Variants in SEMA3A observed in about 807,000 individuals in gnomAD.
SEMA3A encodes the protein semaphorin 3A, also known as semaphorin-3A.
In SEMA3A, 29 loss-of-function variants were observed where a neutral mutation model predicts 97.9. That is an observed-to-expected ratio of 0.30 (90% CI 0.22 to 0.40). The LOEUF (loss-of-function observed/expected upper bound fraction) is 0.40. Ranked by LOEUF, SEMA3A falls within the 10% of genes least tolerant of loss-of-function variation. The pLI is 1.00. For synonymous variants in SEMA3A, 321 were observed against 323.7 expected, an observed-to-expected ratio of 0.99 and a Z score of 0.09; for missense variants, 763 against 951.3, an observed-to-expected ratio of 0.80 and a Z score of 2.60.
chr7:84,405,933 AC>A (rs1315100575), intron 1 of SEMA3A, among the ~76,000 whole-genome samples: 1 of 152,194 alleles, frequency 6.6e-6, no homozygotes, highest in Admixed American at 6.5e-5. Flanking sequence ...CTAAATGGCC[AC>A]AAGAGAAAGC....
intron 2 of SEMA3A, among the ~76,000 whole-genome samples, chr7:84,332,813 C>T (rs1468080080): frequency 6.6e-6 from 1 of 151,822 alleles, no homozygotes. Context: ...ACATTGAGTA[C>T]CTTTATTAAG....
chr7:84,051,270 G>C (rs1490658741), intron 5 of SEMA3A, among the ~76,000 whole-genome samples: 3 of 151,992 alleles, frequency 2.0e-5, no homozygotes, highest in Admixed American at 2.0e-4. Context: ...GCTTGATGGG[G>C]ATGGCATTGA....
chr7:84,071,860 T>A (rs1410007534), intron 4 of SEMA3A, among the ~76,000 whole-genome samples: 4 of 152,056 alleles, frequency 2.6e-5, no homozygotes, highest in Non-Finnish European at 5.9e-5. Flanking sequence ...AATGAATGAG[T>A]GAAAAAATTA....
intron 2 of SEMA3A, among the ~76,000 whole-genome samples, chr7:84,344,362 G>A (rs911059254): frequency 1.3e-5 from 2 of 152,134 alleles, no homozygotes; most frequent in Non-Finnish European, 2.9e-5. Flanking sequence ...GCAGAACTGT[G>A]ATCTCTCAGA....
intron 2 of SEMA3A, among the ~76,000 whole-genome samples, chr7:84,344,403 T>C (rs754702412): frequency 6.6e-6 from 1 of 152,142 alleles, no homozygotes. Flanking sequence ...AGCCCTACAA[T>C]TGCACCAAGG....
At chr7:84,263,961 A>G (rs1163395779) in intron 3 of SEMA3A, among the ~76,000 whole-genome samples, 1 of 152,210 alleles carries the variant, frequency 6.6e-6, no homozygotes, top group East Asian at 1.9e-4. Flanking sequence ...TCAAACTGTT[A>G]TATGTAAAAT....
At chr7:84,487,043 C>T (rs1268779240) in intron 1 of SEMA3A, among the ~76,000 whole-genome samples, 1 of 152,042 alleles carries the variant, frequency 6.6e-6, no homozygotes, top group Non-Finnish European at 1.5e-5. Context: ...TCTTTGATTT[C>T]TTGCTTTAGA....
At chr7:84,109,932 T>TA (rs1562788370) in intron 4 of SEMA3A, among the ~76,000 whole-genome samples, 8 of 152,184 alleles carry the variant, frequency 5.3e-5, no homozygotes, top group Non-Finnish European at 4.4e-5. Flanking sequence ...ACAGATTTTT[T>TA]AAAAAAACAT....
intron 2 of SEMA3A, among the ~76,000 whole-genome samples, chr7:84,331,866 T>C (rs541461671): frequency 6.6e-6 from 1 of 152,088 alleles, no homozygotes; most frequent in South Asian, 2.1e-4. Context: ...TCTGCTGGAG[T>C]AAAATAGAAA....
chr7:84,311,894 A>G (rs1460185825), intron 2 of SEMA3A, among the ~76,000 whole-genome samples: 2 of 151,894 alleles, frequency 1.3e-5, no homozygotes, highest in Non-Finnish European at 2.9e-5. Context: ...AAGTTTATAA[A>G]GTGCTTTCCA....
Position 84,404,902 on chromosome 7 carries a change from C to T in SEMA3A, c.-245-33002G>A, listed in dbSNP as rs1209200781. On this transcript the variant is annotated intron_variant, in intron 1 of 3. Coordinates refer to the SEMA3A transcript ENST00000424555. ...AAGAGCTCCTGAAGGAAGCACTAAA[C>T]ATGGAAAGGAACAACTGGTACCAGC... 3.9e-5 allele frequency among the ~76,000 whole-genome samples: 6 copies of T among 152,256 alleles called. No homozygotes were observed. In the South Asian group the frequency reaches 1.0e-3, roughly 26 times the overall value.
At chr7:84,456,591 T>C (rs186911055) in intron 1 of SEMA3A, among the ~76,000 whole-genome samples, 72 of 151,982 alleles carry the variant, frequency 4.7e-4, no homozygotes, top group African/African-American at 1.6e-3. Context: ...TAATAATCAT[T>C]AATATATTGA....
intron 4 of SEMA3A, among the ~76,000 whole-genome samples, chr7:84,082,721 C>A (rs1260769107): frequency 6.6e-6 from 1 of 151,910 alleles, no homozygotes; most frequent in Non-Finnish European, 1.5e-5. Flanking sequence ...GTCAAAGATG[C>A]TATTAGCTTT....
At chr7:84,366,203 T>C (rs1214572915) in intron 2 of SEMA3A, among the ~76,000 whole-genome samples, 1 of 151,386 alleles carries the variant, frequency 6.6e-6, no homozygotes, top group Non-Finnish European at 1.5e-5. Context: ...TAATTTTATG[T>C]TAGCCAACAT....
chr7:84,446,345 T>C (rs1805414871), intron 1 of SEMA3A, among the ~76,000 whole-genome samples: 4 of 152,162 alleles, frequency 2.6e-5, no homozygotes, highest in African/African-American at 9.6e-5. Flanking sequence ...GTTATCTTGA[T>C]ACCAAAGCCA....
chr7:84,259,590 T>G (rs530660807), intron 3 of SEMA3A, among the ~76,000 whole-genome samples: 2 of 152,124 alleles, frequency 1.3e-5, no homozygotes, highest in South Asian at 4.2e-4. Context: ...TTTCCTGCAA[T>G]AAATCCTAGG....
chr7:84,358,860 G>C (rs1388454182), intron 2 of SEMA3A, among the ~76,000 whole-genome samples: 1 of 152,118 alleles, frequency 6.6e-6, no homozygotes, highest in Admixed American at 6.6e-5. Context: ...CATATCCCTT[G>C]TAAGTTGTAT....
rs79333962 is a variant in SEMA3A at position 84,083,352 on chromosome 7, T to C, written c.454-22794A>G. On this transcript the variant is annotated intron_variant, in intron 4 of 16. Transcript: ENST00000265362. Reference sequence around the variant, plus strand: ...ATAGTTGTACACATTGTGGGGTAAATGTGATGTTTTGATGCAAGTACACAA... The same window carrying C: ...ATAGTTGTACACATTGTGGGGTAAACGTGATGTTTTGATGCAAGTACACAA... Among the ~76,000 whole-genome samples, 201 of 152,058 alleles carry C rather than the reference T, an allele frequency of 1.3e-3. 1 individual carries two copies. In the East Asian group the frequency reaches 0.017, roughly 13 times the overall value.
At position 84,387,111 on chromosome 7, in the gene SEMA3A, A is replaced by G. The variant is rs549557740; in HGVS notation, c.-245-15211T>C. Among the ~76,000 whole-genome samples, 3 of 152,272 alleles carry G rather than the reference A, an allele frequency of 2.0e-5. No homozygotes were observed. The South Asian group carries it at 6.2e-4, about 32-fold the overall frequency. On this transcript the variant is annotated intron_variant, in intron 1 of 3. Transcript: ENST00000424555. ...AATTTGTATAAACTACCAGACATCT[A>G]TTCTGTATTTGGTGGATATTAGCTT...
Sources: gnomAD v4.1 joint callset for allele counts (sites outside exome capture counted in the v4.1 genomes callset) on GRCh38, gnomAD v4.1.1 for gene constraint, MANE v1.5 for transcripts, NCBI Gene and HGNC (gene_info 2026-07-23, HGNC 2026-07-21) for gene names.